Variants in GSS observed in about 807,000 individuals in gnomAD.
GSS encodes GSH synthetase.
GSS carries 34 observed loss-of-function variants against 60.4 expected under a neutral mutation model. The observed-to-expected ratio is 0.56, with a 90% confidence interval of 0.43 to 0.75. The LOEUF (loss-of-function observed/expected upper bound fraction) is 0.75, where lower values mean the gene tolerates loss of function less well. GSS is among the 30% of genes least tolerant of loss of function. The probability of loss-of-function intolerance (pLI) is 0.00; values close to 1 mark genes in which losing one functional copy is unlikely to be tolerated. For missense variants in GSS, 499 were observed against 595.1 expected (o/e 0.84, Z 1.68); for synonymous variants, 224 against 239.0 (o/e 0.94, Z 0.58).
intron 6 of GSS, 122 bp from the exon 7 acceptor site, chr20:34,937,145 G>A (rs1468651299): frequency 1.4e-6 from 1 of 723,138 alleles, no homozygotes; most frequent in African/African-American, 1.7e-5. Flanking sequence ...TTCCCTGAAA[G>A]AACAGATGTT....
At chr20:34,954,851 A>C (rs1481891188) in intron 1 of GSS, 1 of 153,690 alleles carries the variant, frequency 6.5e-6, no homozygotes, top group Non-Finnish European at 1.5e-5. Context: ...CTTGTTTCCT[A>C]CATCTCACTC....
At chr20:34,936,177 A>G (rs2081439388) in intron 8 of GSS, among the ~76,000 whole-genome samples, 1 of 152,234 alleles carries the variant, frequency 6.6e-6, no homozygotes, top group Non-Finnish European at 1.5e-5. Flanking sequence ...TGAAAAGTAA[A>G]TTAACTACTT....
rs370240734 is a variant in GSS, at chr20:34,931,925, G to A, written c.1029+14C>T. 7.4e-6 allele frequency: 12 copies of A among 1,611,948 alleles called. No individual in the cohort carries two copies. Among genetic ancestry groups the A allele is most frequent in the Non-Finnish European group, 9.3e-6 (11 of 1,178,784 alleles). ...TAGGAGGCCTGTGGTAGGAGAAACA[G>A]GCTGCCCACGTACCACATCCAGTGA... is the stretch of plus-strand genomic sequence containing the variant. On this transcript the variant is annotated intron_variant, in intron 10 of 12. Coordinates refer to ENST00000651619, the MANE Select transcript of GSS (RefSeq NM_000178.4).
intron 6 of GSS, among the ~76,000 whole-genome samples, chr20:34,937,340 A>T (rs1456869702): frequency 6.6e-6 from 1 of 152,236 alleles, no homozygotes; most frequent in Non-Finnish European, 1.5e-5. Context: ...TAGATTTAAA[A>T]CCATCTCAAA....
intron 4 of GSS, 137 bp downstream of exon 4, chr20:34,942,794 G>A (rs2081494590): frequency 1.0e-6 from 1 of 953,096 alleles, no homozygotes. Context: ...TTGGTCACTG[G>A]GATAAACCCA....
chr20:34,942,703 A>G, intron 4 of GSS, 76 bp from the exon 5 acceptor site: 2 of 1,393,352 alleles, frequency 1.4e-6, no homozygotes, highest in Non-Finnish European at 2.0e-6. Context: ...GCACACAGGT[A>G]CCATGAACTC....
At chr20:34,939,182 G>C (rs2081464589) in intron 6 of GSS, among the ~76,000 whole-genome samples, 1 of 152,144 alleles carries the variant, frequency 6.6e-6, no homozygotes. Context: ...GGAGGATGTA[G>C]TGAGCCGAGA....
rs941187875 is a variant in GSS, at chr20:34,940,395, T to A, written c.608+1318A>T. ...TATACTTGAAAGAATATTTGTCTGATGACTTCTAAATGCTTACAGTCTGAG... is the reference window on the plus strand; with the variant it reads ...TATACTTGAAAGAATATTTGTCTGAAGACTTCTAAATGCTTACAGTCTGAG... On this transcript the variant is annotated intron_variant, in intron 6 of 12. Coordinates refer to ENST00000651619, the MANE Select transcript of GSS (RefSeq NM_000178.4). 3.9e-5 allele frequency among the ~76,000 whole-genome samples: 6 copies of A among 152,360 alleles called. No individual in the cohort carries two copies. In the South Asian group the frequency reaches 1.0e-3, roughly 26 times the overall value.
rs565344822 is a variant in GSS at position 34,928,550 on chromosome 20, G to A, written c.*278C>T. 3.8e-6 allele frequency: 2 copies of A among 524,628 alleles called. No individual in the cohort carries two copies. The highest frequency in any genetic ancestry group is 6.3e-5 in the Admixed American group (2 of 31,894). 32.5% of individuals were successfully genotyped at this position (524,628 alleles called of 1,614,324 possible). A position where few individuals can be genotyped will look rare whatever the true frequency, so the allele number is the denominator to read the frequency against. On this transcript the variant is annotated 3_prime_UTR_variant, in exon 13 of 13. Coordinates refer to ENST00000651619, the MANE Select transcript of GSS (RefSeq NM_000178.4). Reference sequence around the variant, plus strand: ...TCAGGCACTGGAACCTGCTGAAAAGGCTGATGAGGGGCTGACAGGAGTGGG... The same window carrying A: ...TCAGGCACTGGAACCTGCTGAAAAGACTGATGAGGGGCTGACAGGAGTGGG...
intron 10 of GSS, 76 bp from the exon 11 acceptor site, chr20:34,931,493 C>G: frequency 8.7e-7 from 1 of 1,144,676 alleles, no homozygotes; most frequent in Non-Finnish European, 1.3e-6. Context: ...GCTGGTTATG[C>G]AGAGCAGCAT....
chr20:34,939,104 G>A (rs1259880189), intron 6 of GSS, among the ~76,000 whole-genome samples: 2 of 152,186 alleles, frequency 1.3e-5, no homozygotes, highest in Admixed American at 1.3e-4. Flanking sequence ...GCCAGGCGTG[G>A]TGGTGGGCAC....
Position 34,936,748 on chromosome 20 carries a change from C to A in GSS, c.767+15G>T, listed in dbSNP as rs1324858786. 1 of 1,586,618 alleles carries A rather than the reference C, an allele frequency of 6.3e-7. No homozygotes were observed. The highest frequency in any genetic ancestry group is 1.3e-5 in the African/African-American group (1 of 74,388). On this transcript the variant is annotated intron_variant, in intron 8 of 12. Transcript: ENST00000651619. ...TCATAAACCAGCCTTCCACTGGATT[C>A]TTGGGAATGCTTACACAAACAGCCT...
chr20:34,934,418 A>T (rs968572306), intron 9 of GSS, among the ~76,000 whole-genome samples: 3 of 151,720 alleles, frequency 2.0e-5, no homozygotes, highest in Admixed American at 6.6e-5. Context: ...CTGGGATTAC[A>T]GGGGTATGCC....
At chr20:34,944,593 T>C (rs1203394169) in intron 3 of GSS, among the ~76,000 whole-genome samples, 1 of 152,210 alleles carries the variant, frequency 6.6e-6, no homozygotes, top group Non-Finnish European at 1.5e-5. Context: ...AATTACAGGT[T>C]GGATATCCCT....
chr20:34,931,456 G>C (rs1194536577), intron 10 of GSS, 39 bp from the exon 11 acceptor site: 7 of 1,529,990 alleles, frequency 4.6e-6, no homozygotes, highest in South Asian at 4.5e-5. Context: ...AAGTTTAAAG[G>C]CTAAAGAGGC....
In GSS at chr20:34,931,967, G is replaced by T. The variant is rs777770549; in HGVS notation, c.1001C>A (p.Thr334Asn). The T allele has an allele frequency of 6.2e-7, 1 of 1,614,142 alleles. No homozygotes were observed. Among genetic ancestry groups the T allele is most frequent in the East Asian group, 2.2e-5 (1 of 44,880 alleles). Residue 334 changes from threonine (T) to asparagine (N), a missense_variant, in exon 10 of 13, where the codon ACC becomes AAC. Coordinates refer to ENST00000651619, the MANE Select transcript of GSS (RefSeq NM_000178.4). ...ATCCAGTGAGTAGAGGCCAGCAAAG[G>T]TGGCGCGGAGGCGGGCCACAGCCTC... ...QPEAVARLRATFAGLYSLDVG... is the reference protein window; with the variant it reads ...QPEAVARLRANFAGLYSLDVG...
chr20:34,935,341 C>CA (rs1307360689), intron 9 of GSS, among the ~76,000 whole-genome samples: 2 of 152,200 alleles, frequency 1.3e-5, no homozygotes, highest in Non-Finnish European at 2.9e-5. Context: ...TCTCTGGAAA[C>CA]AGTGTAAATG....
Position 34,945,951 on chromosome 20 carries a change from A to C in GSS, c.275+2T>G. The C allele has an allele frequency of 6.2e-7, 1 of 1,613,734 alleles. No homozygotes were observed. On this transcript the variant is annotated splice_donor_variant, in intron 3 of 12. Coordinates refer to ENST00000651619, the MANE Select transcript of GSS (RefSeq NM_000178.4). LOFTEE classifies it high-confidence loss of function. ...GCCCCCCAATGCTTCACTGTCCCCT[A>C]CCTGGAAAGAGTTTGCTCCAGGAAG...
chr20:34,929,057 A>AAAGTG, intron 12 of GSS, 106 bp from the exon 13 acceptor site: 1 of 1,380,682 alleles, frequency 7.2e-7, no homozygotes, highest in Non-Finnish European at 1.0e-6. Context: ...CTATACCAAG[A>AAAGTG]AAGTGCTAGG....
Sources: gnomAD v4.1 joint callset for allele counts (sites outside exome capture counted in the v4.1 genomes callset) on GRCh38, gnomAD v4.1.1 for gene constraint, MANE v1.5 for transcripts, NCBI Gene and HGNC (gene_info 2026-07-23, HGNC 2026-07-21) for gene names.